Variants in COL20A1 observed in about 807,000 individuals in gnomAD.
COL20A1 encodes the protein collagen alpha-1(XX) chain.
COL20A1 carries 164 observed loss-of-function variants against 152.9 expected under a neutral mutation model. The observed-to-expected ratio is 1.07, with a 90% CI of 0.94 to 1.22. The LOEUF is 1.22. Among genes scored for constraint, COL20A1 ranks in the 50% most tolerant of loss-of-function variants. The pLI, the probability that COL20A1 is intolerant of heterozygous loss-of-function variation, is 0.00. For synonymous variants in COL20A1, 864 were observed against 756.0 expected (o/e 1.14, Z -2.34); for missense variants, 1,873 against 1,744.8 (o/e 1.07, Z -1.31).
chr20:63,302,266 T>C (rs947520948), intron 3 of COL20A1, among the ~76,000 whole-genome samples: 11 of 152,372 alleles, frequency 7.2e-5, no homozygotes, highest in African/African-American at 7.2e-5. Context: ...AATGTTTCAG[T>C]ACTATCATGG....
chr20:63,322,544 T>G (rs537463492), intron 27 of COL20A1, among the ~76,000 whole-genome samples: 1 of 152,126 alleles, frequency 6.6e-6, no homozygotes, highest in Non-Finnish European at 1.5e-5. Context: ...TTCAGATGTC[T>G]CTAGGCTCAG....
At chr20:63,317,868 C>T (rs182658572) in intron 21 of COL20A1, among the ~76,000 whole-genome samples, 19 of 152,178 alleles carry the variant, frequency 1.2e-4, no homozygotes, top group African/African-American at 9.6e-5. Flanking sequence ...AGACGCCCCC[C>T]GCCCCCCTCT....
At position 63,305,766 on chromosome 20, in the gene COL20A1, A is replaced by G; in HGVS notation, c.338-115A>G. The G allele has an allele frequency of 8.3e-7, 1 of 1,207,688 alleles. No homozygotes were observed. Among genetic ancestry groups the G allele is most frequent in the East Asian group, 2.4e-5 (1 of 41,138 alleles). The allele number at this position is 1,207,688 out of a possible 1,614,324, so 74.8% of individuals were successfully genotyped here. On this transcript the variant is annotated intron_variant, in intron 4 of 35. Transcript: ENST00000358894. The surrounding 1 kb of genome is among the most constrained non-coding windows in gnomAD (Gnocchi z 4.9). ...CCCCTGACATCTTTGCATGCCTCCCAGGCTCCTGGGCCCTCAGCACCCACA... is the reference window on the plus strand; with the variant it reads ...CCCCTGACATCTTTGCATGCCTCCCGGGCTCCTGGGCCCTCAGCACCCACA...
In COL20A1 at chr20:63,309,780, C is replaced by T; in HGVS notation, c.1128C>T (p.Thr376=). The T allele has an allele frequency of 6.3e-7, 1 of 1,594,950 alleles. No individual in the cohort carries two copies. Among genetic ancestry groups the T allele is most frequent in the Non-Finnish European group, 8.5e-7 (1 of 1,172,148 alleles). ...QGPAAAPALD[T]LPAPTSLVLS... is the part of the protein sequence containing the mutation. ...CAGCAGCGGCTCCAGCCCTGGACAC[C>T]CTCCCTGCCCCCACCAGCCTGGTCC... is the stretch of plus-strand genomic sequence containing the variant. Residue 376 remains threonine, a synonymous_variant, in exon 10 of 36, where the codon ACC becomes ACT. Coordinates refer to ENST00000358894, the MANE Select transcript of COL20A1 (RefSeq NM_020882.4).
intron 2 of COL20A1, among the ~76,000 whole-genome samples, chr20:63,295,828 C>T (rs774959326): frequency 4.3e-4 from 65 of 152,270 alleles, no homozygotes; most frequent in African/African-American, 1.7e-4. Flanking sequence ...ATTTCCGTGT[C>T]TATGGAGAAG....
chr20:63,326,208 C>G, intron 30 of COL20A1, 59 bp downstream of exon 30: 1 of 1,378,970 alleles, frequency 7.3e-7, no homozygotes, highest in Non-Finnish European at 1.0e-6. Context: ...TTCCAGGGGT[C>G]AGGCAGAGGC....
chr20:63,308,611 A>C lies in COL20A1; in HGVS notation c.845A>C (p.Lys282Thr). ...GCTGGCCTCCGTCCAGAGGCAGCCA[A>C]GGTGGTGATTCTGGTGACGGACGGC... ...PAAGLRPEAA[K>T]VVILVTDGKS... The change falls in exon 8 of 36, where the codon AAG (lysine) becomes ACG (threonine). Residue 282 changes from lysine to threonine, a missense_variant. Transcript: ENST00000358894. 6.2e-7 allele frequency: 1 copy of C among 1,606,324 alleles called. No individual in the cohort carries two copies. Among genetic ancestry groups the C allele is most frequent in the East Asian group, 2.2e-5 (1 of 44,540 alleles).
chr20:63,331,576 T>G lies in COL20A1; in HGVS notation c.*860T>G, dbSNP rs999039012. ...GCTGTGTGAGCCTGGACTTCCTGCCTTATCCCCACTGTGGCCCAAACAGCA... is the reference window on the plus strand; with the variant it reads ...GCTGTGTGAGCCTGGACTTCCTGCCGTATCCCCACTGTGGCCCAAACAGCA... On this transcript the variant is annotated 3_prime_UTR_variant, in exon 36 of 36. Coordinates refer to ENST00000358894, the MANE Select transcript of COL20A1 (RefSeq NM_020882.4). 6.6e-6 allele frequency: 1 copy of G among 152,274 alleles called. No individual in the cohort carries two copies. Among genetic ancestry groups the G allele is most frequent in the Non-Finnish European group, 1.5e-5 (1 of 68,090 alleles). 9.4% of individuals were successfully genotyped at this position (152,274 alleles called of 1,614,324 possible).
chr20:63,312,173 G>A, intron 14 of COL20A1, 118 bp downstream of exon 14: 3 of 1,277,112 alleles, frequency 2.3e-6, no homozygotes, highest in Non-Finnish European at 3.1e-6. Flanking sequence ...CGGCCACGAG[G>A]CACAGCGGGG....
At chr20:63,315,902 C>T (rs773214902) in intron 20 of COL20A1, among the ~76,000 whole-genome samples, 1 of 152,234 alleles carries the variant, frequency 6.6e-6, no homozygotes, top group Non-Finnish European at 1.5e-5. Context: ...CCGGTGCCTG[C>T]TGGCAGCGCT....
At chr20:63,310,531 G>A (rs763082770) in intron 11 of COL20A1, 21 bp downstream of exon 11, 62 of 1,567,192 alleles carry the variant, frequency 4.0e-5, no homozygotes, top group East Asian at 2.3e-4. Context: ...CAGAGGCAGC[G>A]GCCAGGTTCT....
In COL20A1 at chr20:63,312,931, C is replaced by T. The variant is rs1164295610; in HGVS notation, c.2073C>T (p.His691=). 1.2e-5 allele frequency: 19 copies of T among 1,550,202 alleles called. No individual in the cohort carries two copies. The highest frequency in any genetic ancestry group is 1.1e-4 in the African/African-American group (8 of 73,262). ...CGCCCCTGGGAGAGGGGAAGGCTCACGAGGTGGGCAGGGGTGGGTTTGTCC... is the reference window on the plus strand; with the variant it reads ...CGCCCCTGGGAGAGGGGAAGGCTCATGAGGTGGGCAGGGGTGGGTTTGTCC... The part of the protein sequence containing the change: ...TWTPLGEGKA[H]EISVPGNLGT... Residue 691 remains histidine, a synonymous_variant, in exon 16 of 36, where the codon CAC becomes CAT. Transcript: ENST00000358894.
At chr20:63,325,347 G>A (rs2068227697) in intron 27 of COL20A1, 94 bp from the exon 28 acceptor site, 1 of 957,012 alleles carries the variant, frequency 1.0e-6, no homozygotes, top group African/African-American at 1.6e-5. Context: ...CCAGGGCCGT[G>A]CAGTCCAGGG....
intron 34 of COL20A1, among the ~76,000 whole-genome samples, chr20:63,328,783 G>A (rs1366814138): frequency 6.6e-6 from 1 of 152,114 alleles, no homozygotes; most frequent in African/African-American, 2.4e-5. Context: ...GGCCACACAG[G>A]AGAGCCCAGC....
chr20:63,309,842 G>C lies in COL20A1; in HGVS notation c.1190G>C (p.Trp397Ser). 1 of 1,611,342 alleles carries C rather than the reference G, an allele frequency of 6.2e-7. No individual in the cohort carries two copies. Among genetic ancestry groups the C allele is most frequent in the South Asian group, 1.1e-5 (1 of 90,894 alleles). ...ACCTCCTCCAGCATCCGCCTGTCCT[G>C]GACTCCAGCCCCCCGGCACCCCCTC... is the stretch of plus-strand genomic sequence containing the variant. ...QVTSSSIRLS[W>S]TPAPRHPLKY... Residue 397 changes from tryptophan (W) to serine (S), a missense_variant, in exon 10 of 36, where the codon TGG becomes TCG. Trp to Ser is a radical substitution (Grantham distance 177). Transcript: ENST00000358894.
Position 63,332,391 on chromosome 20 carries a change from C to G in COL20A1, c.*1675C>G, listed in dbSNP as rs2068343765. On this transcript the variant is annotated 3_prime_UTR_variant, in exon 36 of 36. Coordinates refer to ENST00000358894, the MANE Select transcript of COL20A1 (RefSeq NM_020882.4). Reference sequence around the variant, plus strand: ...CAGCAAAACAGCTTGGTTGCTCTCACTTGGTTTCTCCAGGGCGGGGAATTA... The same window carrying G: ...CAGCAAAACAGCTTGGTTGCTCTCAGTTGGTTTCTCCAGGGCGGGGAATTA... 6.6e-6 allele frequency: 1 copy of G among 151,110 alleles called. No homozygotes were observed. Among genetic ancestry groups the G allele is most frequent in the Non-Finnish European group, 1.5e-5 (1 of 68,070 alleles). The allele number at this position is 151,110 out of a possible 1,614,324, so 9.4% of individuals were successfully genotyped here. A position where few individuals can be genotyped will look rare whatever the true frequency, so the allele number is the denominator to read the frequency against.
At position 63,333,617 on chromosome 20, in the gene COL20A1, A is replaced by T. The variant is rs2068359353; in HGVS notation, c.*2901A>T. On this transcript the variant is annotated 3_prime_UTR_variant, in exon 36 of 36. Transcript: ENST00000358894. ...GGGAGCTGGGAAGAACGGCTCAGTG[A>T]TGAGCTCAGAGGGAGGGGTGGGCAC... is the stretch of plus-strand genomic sequence containing the variant. 1 of 152,186 alleles carries T rather than the reference A, an allele frequency of 6.6e-6. No homozygotes were observed. Among genetic ancestry groups the T allele is most frequent in the African/African-American group, 2.4e-5 (1 of 41,426 alleles). The allele number at this position is 152,186 out of a possible 1,614,324, so 9.4% of individuals were successfully genotyped here. A position where few individuals can be genotyped will look rare whatever the true frequency, so the allele number is the denominator to read the frequency against.
At chr20:63,307,780 C>T (rs2067946902) in intron 6 of COL20A1, 132 bp downstream of exon 6, 6 of 1,217,548 alleles carry the variant, frequency 4.9e-6, no homozygotes, top group African/African-American at 4.5e-5. Flanking sequence ...ACGCCTGCTC[C>T]ACATGGGGTG....
At position 63,312,463 on chromosome 20, in the gene COL20A1, T is replaced by A; in HGVS notation, c.1847T>A (p.Leu616His). 6.2e-7 allele frequency: 1 copy of A among 1,607,456 alleles called. No individual in the cohort carries two copies. The highest frequency in any genetic ancestry group is 8.5e-7 in the Non-Finnish European group (1 of 1,178,312). Residue 616 changes from leucine to histidine, a missense_variant, in exon 15 of 36, where the codon CTC becomes CAC. Physicochemically the swap from Leu to His is moderately conservative, Grantham distance 99. Transcript: ENST00000358894. ...GNATSATLGP[L>H]SSSTTYTVRV... ...GCCACCTCGGCCACGCTGGGGCCTC[T>A]CTCTTCCTCCACCACCTACACTGTC...
Sources: gnomAD v4.1 joint callset for allele counts (sites outside exome capture counted in the v4.1 genomes callset) on GRCh38, gnomAD v4.1.1 for gene constraint, Gnocchi (gnomAD v3.1) non-coding constraint, MANE v1.5 for transcripts, NCBI Gene and HGNC (gene_info 2026-07-23, HGNC 2026-07-21) for gene names.